The following SETD7 variants were observed in gnomAD, a reference collection of about 807,000 sequenced individuals.
SETD7 encodes SET domain containing 7, histone lysine methyltransferase, also known as histone-lysine N-methyltransferase SETD7.
Under a neutral mutation model 41.8 loss-of-function variants are expected in SETD7, and 16 were observed. The ratio of observed to expected loss-of-function variants is 0.38; its 90% CI spans 0.26 to 0.58. The LOEUF is 0.58. SETD7 is among the 20% of genes least tolerant of loss of function. The pLI is 0.64. For missense variants in SETD7, 346 were observed against 459.7 expected (o/e 0.75, Z 2.26); for synonymous variants, 163 against 169.7 (o/e 0.96, Z 0.31).
chr4:139,545,643 C>T (rs751559255), intron 2 of SETD7, among the ~76,000 whole-genome samples: 3 of 152,032 alleles, frequency 2.0e-5, no homozygotes, highest in Non-Finnish European at 4.4e-5. Context: ...CTGTTCTCAC[C>T]CCTCATTGCA....
At chr4:139,545,866 G>A (rs566286393) in intron 2 of SETD7, among the ~76,000 whole-genome samples, 3 of 152,296 alleles carry the variant, frequency 2.0e-5, no homozygotes, top group African/African-American at 7.2e-5. Context: ...ACCTGCTTTG[G>A]TGAAGTCAGT....
At chr4:139,551,069 G>A (rs1392970302) in intron 1 of SETD7, among the ~76,000 whole-genome samples, 1 of 152,208 alleles carries the variant, frequency 6.6e-6, no homozygotes, top group East Asian at 1.9e-4. Context: ...GCAGGGAAGT[G>A]GAAGAAGGCT....
chr4:139,522,741 CTTTTTTTTT>C (rs11357611), intron 5 of SETD7, among the ~76,000 whole-genome samples: 122 of 93,438 alleles, frequency 1.3e-3, no homozygotes, highest in African/African-American at 4.1e-3. Context: ...CCCAGCTGCT[CTTTTTTTTT>C]TTTTTTTTTT....
chr4:139,518,140 G>A (rs1727081388), intron 6 of SETD7, 98 bp from the exon 7 acceptor site: 1 of 1,331,692 alleles, frequency 7.5e-7, no homozygotes, highest in African/African-American at 1.5e-5. Context: ...TATTATTTTT[G>A]TTTTTGAGAC....
At chr4:139,531,678 A>G (rs1021577505) in intron 3 of SETD7, among the ~76,000 whole-genome samples, 1 of 152,232 alleles carries the variant, frequency 6.6e-6, no homozygotes, top group Non-Finnish European at 1.5e-5. Context: ...CTAGATTATA[A>G]CTTATTTTTT....
At chr4:139,523,119 G>A (rs1042791557) in intron 5 of SETD7, among the ~76,000 whole-genome samples, 2 of 152,090 alleles carry the variant, frequency 1.3e-5, no homozygotes, top group Non-Finnish European at 2.9e-5. Context: ...TGTGATTTAT[G>A]GGTGAGGAAA....
At chr4:139,550,957 C>A (rs1728094021) in intron 1 of SETD7, among the ~76,000 whole-genome samples, 1 of 152,194 alleles carries the variant, frequency 6.6e-6, no homozygotes, top group African/African-American at 2.4e-5. Context: ...TTCTCCAAAT[C>A]CTTTAATTCC....
chr4:139,556,123 G>C lies in SETD7; in HGVS notation c.15C>G (p.Asp5Glu), dbSNP rs778399343. MDSD[D>E]EMVEEAVEGH... ...CTTCCACCGCCTCCTCCACCATCTCGTCGTCGCTATCCATGGCGGCTGGGG... is the reference window on the plus strand; with the variant it reads ...CTTCCACCGCCTCCTCCACCATCTCCTCGTCGCTATCCATGGCGGCTGGGG... The change falls in exon 1 of 8, where the codon GAC becomes GAG. Residue 5 changes from aspartate to glutamate, a missense_variant. By Grantham distance (45) the Asp-to-Glu change is conservative. Transcript: ENST00000274031. 6.2e-7 allele frequency: 1 copy of C among 1,602,118 alleles called. No individual in the cohort carries two copies. Among genetic ancestry groups the C allele is most frequent in the Admixed American group, 1.7e-5 (1 of 58,710 alleles).
chr4:139,551,649 G>A (rs951415359), intron 1 of SETD7, among the ~76,000 whole-genome samples: 2 of 151,932 alleles, frequency 1.3e-5, no homozygotes, highest in South Asian at 2.1e-4. Context: ...TGAGAGTGGC[G>A]TGTGAGTATT....
At position 139,498,589 on chromosome 4, in the gene SETD7, A is replaced by C. The variant is rs138206604; in HGVS notation, c.921-2068T>G. Among the ~76,000 whole-genome samples the C allele has an allele frequency of 2.9e-3, 448 of 152,252 alleles. 3 individuals are homozygous for C. The highest frequency in any genetic ancestry group is 0.01 in the African/African-American group (436 of 41,544). On this transcript the variant is annotated intron_variant, in intron 7 of 7. Transcript: ENST00000506866. ...CTCCTCTTGGGAACTGTGAATAACA[A>C]ACTATTGTTGGGGTTCAGAAGACAA... is the stretch of plus-strand genomic sequence containing the variant.
At chr4:139,553,131 A>C (rs1326887906) in intron 1 of SETD7, among the ~76,000 whole-genome samples, 1 of 152,170 alleles carries the variant, frequency 6.6e-6, no homozygotes. Context: ...CACTCTCTCG[A>C]CACAGCCTCC....
intron 7 of SETD7, among the ~76,000 whole-genome samples, chr4:139,514,200 G>A (rs188375618): frequency 2.0e-5 from 3 of 152,154 alleles, no homozygotes; most frequent in Non-Finnish European, 4.4e-5. Context: ...TGGGAGGATC[G>A]CTCGAGACTG....
At chr4:139,527,089 G>A (rs1338793558) in intron 4 of SETD7, among the ~76,000 whole-genome samples, 1 of 152,154 alleles carries the variant, frequency 6.6e-6, no homozygotes, top group African/African-American at 2.4e-5. Flanking sequence ...AAACCTAGAT[G>A]GTATAGCCAA....
At chr4:139,535,996 C>T (rs1239199949) in intron 2 of SETD7, among the ~76,000 whole-genome samples, 2 of 152,182 alleles carry the variant, frequency 1.3e-5, no homozygotes, top group Non-Finnish European at 2.9e-5. Flanking sequence ...AAACTATGGC[C>T]TGCTGACTGC....
rs180858150 is a variant in SETD7, at chr4:139,529,350, C to T, written c.373-130G>A. ...TAGGGATAATAACAGTTTAGGAACC[C>T]AGAGCTTTTCACCTGGGTAAGAAAA... On this transcript the variant is annotated intron_variant, in intron 3 of 7. Transcript: ENST00000274031. The T allele has an allele frequency of 1.5e-4, 98 of 633,906 alleles. 2 individuals carry two copies. In the Admixed American group the frequency reaches 2.5e-3, roughly 16 times the overall value. 39.3% of individuals were successfully genotyped at this position (633,906 alleles called of 1,614,324 possible). A position where few individuals can be genotyped will look rare whatever the true frequency, so the allele number is the denominator to read the frequency against.
intron 5 of SETD7, among the ~76,000 whole-genome samples, 188 bp from the exon 6 acceptor site, chr4:139,520,582 T>A (rs1203421077): frequency 6.6e-6 from 1 of 152,250 alleles, no homozygotes; most frequent in Non-Finnish European, 1.5e-5. Flanking sequence ...ACGGTAGTTA[T>A]GTCTCTTTTA....
intron 7 of SETD7, 69 bp from the exon 8 acceptor site, chr4:139,511,912 G>A (rs1726888791): frequency 6.5e-7 from 1 of 1,533,628 alleles, no homozygotes; most frequent in Non-Finnish European, 8.7e-7. Context: ...GCTAGGGAGG[G>A]GCTGATACAG....
Position 139,509,157 on chromosome 4 carries a change from A to G in SETD7, c.*2506T>C, listed in dbSNP as rs115671935. ...AGGGCAGCTGGGGCTGCTGTTACCC[A>G]GGATGCCCAGGCGTTCTCACATATG... On this transcript the variant is annotated 3_prime_UTR_variant, in exon 8 of 8. Coordinates refer to ENST00000274031, the MANE Select transcript of SETD7 (RefSeq NM_030648.4). 4,032 of 152,906 alleles carry G rather than the reference A, an allele frequency of 0.026. 66 individuals carry two copies. Among genetic ancestry groups the G allele is most frequent in the Middle Eastern group, 0.054 (16 of 296 alleles). The allele number at this position is 152,906 out of a possible 1,614,324, so 9.5% of individuals were successfully genotyped here.
intron 7 of SETD7, chr4:139,496,559 G>C: frequency 1.4e-6 from 1 of 698,802 alleles, no homozygotes; most frequent in Non-Finnish European, 2.6e-6. Context: ...AACGTTTTCA[G>C]AGATTATTAA....
Sources: allele counts gnomAD v4.1 joint callset (sites outside exome capture counted in the v4.1 genomes callset), GRCh38; gene constraint gnomAD v4.1.1; transcripts MANE v1.5; gene names NCBI Gene and HGNC (gene_info 2026-07-23, HGNC 2026-07-21).